MED16: variants seen among roughly 807,000 people sequenced by gnomAD.
MED16 encodes the protein mediator complex subunit 16.
A neutral mutation model predicts 84.4 loss-of-function variants in MED16; 81 were observed. The ratio of observed to expected loss-of-function variants is 0.96; its 90% CI spans 0.80 to 1.15. The LOEUF is 1.15. Ranked by LOEUF, MED16 falls within the 50% of genes most tolerant of loss-of-function variation. The probability of loss-of-function intolerance (pLI) is 0.00; values close to 1 mark genes in which losing one functional copy is unlikely to be tolerated. For missense variants in MED16, 1,585 were observed against 1,245.9 expected (o/e 1.27, Z -4.10); for synonymous variants, 897 against 552.2 (o/e 1.62, Z -8.76).
At chr19:871,718 T>C (rs2036063726) in intron 12 of MED16, 3 of 1,209,014 alleles carry the variant, frequency 2.5e-6, no homozygotes, top group South Asian at 2.5e-5. Context: ...GGGCTTATGT[T>C]CTGGCGGGGG....
intron 8 of MED16, among the ~76,000 whole-genome samples, chr19:878,221 G>A (rs2036310207): frequency 9.1e-6 from 1 of 109,766 alleles, no homozygotes; most frequent in Admixed American, 1.0e-4. Flanking sequence ...TCCCCTGGTT[G>A]TCAATGCCCA....
Position 877,188 on chromosome 19 carries a change from A to C in MED16, c.1354-8T>G. ...GAGGCGGAGCACGCTCAGCTGCCAGAGACAGAGCCCAAGGAGAGCCCGGTG... is the reference window on the plus strand; with the variant it reads ...GAGGCGGAGCACGCTCAGCTGCCAGCGACAGAGCCCAAGGAGAGCCCGGTG... On this transcript the variant is annotated splice_region_variant and splice_polypyrimidine_tract_variant and intron_variant, in intron 8 of 15. Coordinates refer to ENST00000325464, the MANE Select transcript of MED16 (RefSeq NM_005481.3). 1 of 1,604,164 alleles carries C rather than the reference A, an allele frequency of 6.2e-7. No individual in the cohort carries two copies. Among genetic ancestry groups the C allele is most frequent in the Non-Finnish European group, 8.5e-7 (1 of 1,177,100 alleles).
At chr19:868,715 C>CATCCTGGG in intron 14 of MED16, 148 bp downstream of exon 14, 2 of 1,074,984 alleles carry the variant, frequency 1.9e-6, no homozygotes, top group Non-Finnish European at 2.6e-6. Flanking sequence ...AACTGCTCCA[C>CATCCTGGG]ATCCTGGGAT....
At position 889,676 on chromosome 19, in the gene MED16, G is replaced by A. The variant is rs2036594158; in HGVS notation, c.409C>T (p.Leu137=). 6.2e-7 allele frequency: 1 copy of A among 1,613,872 alleles called. No homozygotes were observed. The part of the protein sequence containing the change: ...EGDPIVALSW[L]HNGVKLALHV... ...AGGGCCAGTTTCACACCATTGTGCA[G>A]CCAGGACAGGGCCACAATGGGGTCC... Residue 137 remains leucine (L), a synonymous_variant, in exon 4 of 16, where the codon CTG becomes TTG. Transcript: ENST00000325464.
chr19:881,546 G>A lies in MED16; in HGVS notation c.1141+13C>T, dbSNP rs754544271. ...ACTGAGGCCCCGCGTGGCTGCCGCT[G>A]GCTCCACCGTACCGAGGCCAGGGTA... On this transcript the variant is annotated intron_variant, in intron 7 of 15. Transcript: ENST00000325464. 1.9e-6 allele frequency: 3 copies of A among 1,602,482 alleles called. No homozygotes were observed. Among genetic ancestry groups the A allele is most frequent in the African/African-American group, 1.3e-5 (1 of 74,748 alleles).
intron 4 of MED16, among the ~76,000 whole-genome samples, chr19:886,788 G>C (rs1568332251): frequency 6.6e-6 from 1 of 152,172 alleles, no homozygotes; most frequent in Non-Finnish European, 1.5e-5. Context: ...TAAAAGATGG[G>C]GTCTTGGCTG....
intron 6 of MED16, among the ~76,000 whole-genome samples, chr19:884,141 C>T (rs1275789424): frequency 1.3e-5 from 2 of 152,196 alleles, no homozygotes; most frequent in African/African-American, 2.4e-5. Context: ...GGTCCATTAG[C>T]GCTAATCGGC....
chr19:881,744 G>A lies in MED16; in HGVS notation c.986-30C>T, dbSNP rs193282880. ...AAAATCAGGGGCAGGAAAACAGGAA[G>A]GCAATGGAGTAAAGACAGGCTGAGA... On this transcript the variant is annotated intron_variant, in intron 6 of 15. Coordinates refer to ENST00000325464, the MANE Select transcript of MED16 (RefSeq NM_005481.3). 1.2e-4 allele frequency: 188 copies of A among 1,603,178 alleles called. 1 individual carries two copies. In the Admixed American group the frequency reaches 1.7e-3, roughly 14 times the overall value.
At chr19:869,888 C>A (rs1177479193) in intron 13 of MED16, among the ~76,000 whole-genome samples, 2 of 152,208 alleles carry the variant, frequency 1.3e-5, no homozygotes, top group Non-Finnish European at 2.9e-5. Flanking sequence ...TCGGCCACTT[C>A]CTGACCGCGT....
chr19:885,476 T>C (rs780726408), intron 5 of MED16, among the ~76,000 whole-genome samples: 2 of 151,824 alleles, frequency 1.3e-5, no homozygotes, highest in Admixed American at 6.6e-5. Context: ...GGGGCCCCAG[T>C]GTCCTCACAG....
intron 13 of MED16, among the ~76,000 whole-genome samples, chr19:869,911 G>A (rs972225864): frequency 5.3e-5 from 8 of 152,322 alleles, no homozygotes; most frequent in Admixed American, 2.0e-4. Flanking sequence ...CCCCAGATGA[G>A]TGGGGTGACA....
chr19:870,963 G>C, intron 13 of MED16, 74 bp downstream of exon 13: 4 of 1,341,574 alleles, frequency 3.0e-6, no homozygotes, highest in Non-Finnish European at 4.0e-6. Context: ...GGAGCCGTGT[G>C]GATTCGGGGG....
At chr19:872,759 G>A (rs926310149) in intron 11 of MED16, among the ~76,000 whole-genome samples, 6 of 151,884 alleles carry the variant, frequency 4.0e-5, no homozygotes, top group African/African-American at 7.2e-5. Context: ...CACCCCAGGC[G>A]CAGGGAGCTG....
At chr19:886,960 T>G (rs1444862139) in intron 4 of MED16, among the ~76,000 whole-genome samples, 1 of 151,634 alleles carries the variant, frequency 6.6e-6, no homozygotes, top group Non-Finnish European at 1.5e-5. Flanking sequence ...GTGCCTATAA[T>G]CCCAGCTACT....
At chr19:872,860 G>T in intron 11 of MED16, 4 of 716,018 alleles carry the variant, frequency 5.6e-6, no homozygotes, top group African/African-American at 2.0e-5. Flanking sequence ...GGGCCTGGGA[G>T]GCGGGGCTTT....
rs1443166632 is a variant in MED16 at position 871,215 on chromosome 19, G to A, written c.2137C>T (p.Leu713=). 6 of 1,548,714 alleles carry A rather than the reference G, an allele frequency of 3.9e-6. No individual in the cohort carries two copies. The highest frequency in any genetic ancestry group is 4.4e-6 in the Non-Finnish European group (5 of 1,145,342). The change falls in exon 13 of 16, where the codon CTG becomes TTG. Residue 713 remains leucine, a synonymous_variant. Transcript: ENST00000325464. ...GGCAGCAGGCAGCATTCATCCACCA[G>A]CGCCTCGTCCGGCTCGCTCGCTGGG... The part of the protein sequence containing the change: ...EGPASEPDEA[L]VDECCLLPSQ...
At position 889,784 on chromosome 19, in the gene MED16, C is replaced by T. The variant is rs935551611; in HGVS notation, c.301G>A (p.Ala101Thr). 10 of 1,612,230 alleles carry T rather than the reference C, an allele frequency of 6.2e-6. No individual in the cohort carries two copies. The highest frequency in any genetic ancestry group is 1.7e-5 in the Admixed American group (1 of 59,884). Residue 101 changes from alanine to threonine, a missense_variant, in exon 4 of 16, where the codon GCC (alanine) becomes ACC (threonine). Physicochemically the swap from Ala to Thr is moderately conservative, Grantham distance 58. Transcript: ENST00000325464. The stretch of plus-strand genomic sequence containing the variant: ...CTCCAGCACTTGATCTGCCCGTCGG[C>T]ATCTGCTGACAGGAGCCGGGAGCCT... ...QSGSRLLSAD[A>T]DGQIKCWSMA...
intron 8 of MED16, among the ~76,000 whole-genome samples, chr19:877,699 G>C (rs1395657349): frequency 7.9e-6 from 1 of 126,122 alleles, no homozygotes; most frequent in Non-Finnish European, 1.7e-5. Context: ...TCCCCTGGTT[G>C]TCAATGCCCA....
At chr19:868,575 A>C in intron 14 of MED16, 76 bp from the exon 15 acceptor site, 1 of 1,568,360 alleles carries the variant, frequency 6.4e-7, no homozygotes, top group Non-Finnish European at 8.6e-7. Context: ...TTTTGCTTCC[A>C]GGCAGGTCTC....
Sources: gnomAD v4.1 joint callset for allele counts (sites outside exome capture counted in the v4.1 genomes callset) on GRCh38, gnomAD v4.1.1 for gene constraint, MANE v1.5 for transcripts, NCBI Gene and HGNC (gene_info 2026-07-23, HGNC 2026-07-21) for gene names.